TEC: variants seen among roughly 807,000 people sequenced by gnomAD.
The protein encoded by TEC is tyrosine-protein kinase Tec.
Under a neutral mutation model 93.0 loss-of-function variants are expected in TEC, and 72 were observed. The ratio of observed to expected loss-of-function variants is 0.77; its 90% CI spans 0.64 to 0.94. TEC has a LOEUF of 0.94. Ranked by LOEUF, TEC falls within the 40% of genes least tolerant of loss-of-function variation. The probability of loss-of-function intolerance (pLI) is 0.00; values close to 1 mark genes in which losing one functional copy is unlikely to be tolerated. For synonymous variants in TEC, 249 were observed against 247.7 expected, an observed-to-expected ratio of 1.01 and a Z score of -0.05; for missense variants, 630 against 757.9, an observed-to-expected ratio of 0.83 and a Z score of 1.98.
intron 2 of TEC, among the ~76,000 whole-genome samples, chr4:48,224,186 TA>T (rs1723361310): frequency 6.6e-6 from 1 of 152,198 alleles, no homozygotes; most frequent in Admixed American, 6.5e-5. Context: ...TTCAACTTTG[TA>T]AGTTATTTGC....
intron 1 of TEC, among the ~76,000 whole-genome samples, chr4:48,250,348 C>A (rs1214378628): frequency 2.6e-5 from 4 of 152,214 alleles, no homozygotes; most frequent in Non-Finnish European, 5.9e-5. Context: ...TCTCATTCTT[C>A]ACTACTCTCC....
intron 2 of TEC, among the ~76,000 whole-genome samples, chr4:48,204,337 G>T (rs1310952623): frequency 6.6e-6 from 1 of 152,218 alleles, no homozygotes; most frequent in East Asian, 1.9e-4. Context: ...ACTGAGTGAT[G>T]AGTTTTCTGG....
Position 48,222,045 on chromosome 4 carries a change from G to A in TEC, c.138+6432C>T, listed in dbSNP as rs76873142. Among the ~76,000 whole-genome samples, 623 of 152,306 alleles carry A rather than the reference G, an allele frequency of 4.1e-3. 5 individuals are homozygous for A. The highest frequency in any genetic ancestry group is 6.3e-3 in the Non-Finnish European group (429 of 68,024). Reference sequence around the variant, plus strand: ...TCCATTCTACTTTTGCCAGGAGGGAGACAGAAAAGGCTTCTGAGAAGATGG... The same window carrying A: ...TCCATTCTACTTTTGCCAGGAGGGAAACAGAAAAGGCTTCTGAGAAGATGG... On this transcript the variant is annotated intron_variant, in intron 2 of 17. Transcript: ENST00000381501.
chr4:48,202,503 T>C (rs1320813691), intron 2 of TEC, among the ~76,000 whole-genome samples: 1 of 151,898 alleles, frequency 6.6e-6, no homozygotes, highest in East Asian at 1.9e-4. Context: ...GAGGCAGAGG[T>C]TGTAGTGAGC....
intron 1 of TEC, among the ~76,000 whole-genome samples, chr4:48,255,737 T>G (rs188146856): frequency 1.3e-5 from 2 of 152,308 alleles, no homozygotes; most frequent in Admixed American, 1.3e-4. Flanking sequence ...TGTGGGAGGA[T>G]TAAATGAAAT....
chr4:48,254,159 A>G (rs1354563485), intron 1 of TEC, among the ~76,000 whole-genome samples: 1 of 152,222 alleles, frequency 6.6e-6, no homozygotes, highest in Non-Finnish European at 1.5e-5. Context: ...ACGCAAACAT[A>G]AAAAGTTGGT....
chr4:48,252,488 C>T (rs1425691940), intron 1 of TEC, among the ~76,000 whole-genome samples: 1 of 152,172 alleles, frequency 6.6e-6, no homozygotes, highest in African/African-American at 2.4e-5. Context: ...TGGGTTCTGT[C>T]CCTGGTTCTG....
intron 2 of TEC, among the ~76,000 whole-genome samples, chr4:48,189,743 AC>A (rs1722026499): frequency 6.6e-6 from 1 of 152,238 alleles, no homozygotes; most frequent in Non-Finnish European, 1.5e-5. Context: ...ATCTGATTTA[AC>A]CCATATTCAA....
At chr4:48,192,700 T>G (rs1392091048) in intron 2 of TEC, among the ~76,000 whole-genome samples, 1 of 152,200 alleles carries the variant, frequency 6.6e-6, no homozygotes, top group Non-Finnish European at 1.5e-5. Context: ...TGGTTTATAA[T>G]GGGCCAGAAG....
chr4:48,249,986 T>A (rs1724159697), intron 1 of TEC, among the ~76,000 whole-genome samples: 1 of 152,212 alleles, frequency 6.6e-6, no homozygotes, highest in South Asian at 2.1e-4. Flanking sequence ...AAGGCATGCA[T>A]CCTGGAATTC....
intron 8 of TEC, among the ~76,000 whole-genome samples, chr4:48,160,816 A>G (rs1332836618): frequency 3.5e-5 from 5 of 141,194 alleles, no homozygotes; most frequent in Admixed American, 2.8e-4. Flanking sequence ...AAAGAGAAAG[A>G]GAGAGAGACA....
At chr4:48,250,542 C>T (rs948690479) in intron 1 of TEC, among the ~76,000 whole-genome samples, 10 of 152,304 alleles carry the variant, frequency 6.6e-5, no homozygotes, top group South Asian at 4.1e-4. Flanking sequence ...GTCCTTAAAA[C>T]GTGTGCGTTT....
At chr4:48,139,157 G>C in intron 15 of TEC, 135 bp from the exon 16 acceptor site, 1 of 719,166 alleles carries the variant, frequency 1.4e-6, no homozygotes, top group East Asian at 2.7e-5. Flanking sequence ...GAAGCTAAAT[G>C]TTCACCTCAG....
intron 5 of TEC, 57 bp downstream of exon 5, chr4:48,170,191 A>G (rs1721043691): frequency 7.2e-7 from 1 of 1,390,882 alleles, no homozygotes; most frequent in Non-Finnish European, 1.0e-6. Flanking sequence ...TTCTTACCAT[A>G]CCAATAATAC....
chr4:48,172,698 C>T (rs1430817212), intron 3 of TEC, among the ~76,000 whole-genome samples: 7 of 152,124 alleles, frequency 4.6e-5, no homozygotes, highest in Admixed American at 3.9e-4. Context: ...AAAAATGAAT[C>T]GGACATGAAG....
chr4:48,234,471 C>T (rs1013634486), intron 1 of TEC, among the ~76,000 whole-genome samples: 3 of 152,046 alleles, frequency 2.0e-5, no homozygotes, highest in African/African-American at 4.8e-5. Flanking sequence ...ACAACCAGTC[C>T]GGATTGGATC....
At chr4:48,174,753 T>G (rs1400221574) in intron 3 of TEC, among the ~76,000 whole-genome samples, 4 of 152,178 alleles carry the variant, frequency 2.6e-5, no homozygotes, top group Non-Finnish European at 5.9e-5. Context: ...AGGTTTAAAT[T>G]TATCTTACTT....
At chr4:48,232,777 T>C (rs1723683778) in intron 1 of TEC, among the ~76,000 whole-genome samples, 1 of 152,238 alleles carries the variant, frequency 6.6e-6, no homozygotes, top group Non-Finnish European at 1.5e-5. Context: ...CAATAGAATT[T>C]TGGAAACTGG....
intron 2 of TEC, among the ~76,000 whole-genome samples, chr4:48,202,510 G>A (rs761197880): frequency 3.3e-5 from 5 of 152,048 alleles, no homozygotes; most frequent in Non-Finnish European, 5.9e-5. Context: ...AGGTTGTAGT[G>A]AGCCAAAATC....
Sources: gnomAD v4.1 joint callset for allele counts (sites outside exome capture counted in the v4.1 genomes callset) on GRCh38, gnomAD v4.1.1 for gene constraint, MANE v1.5 for transcripts, NCBI Gene and HGNC (gene_info 2026-07-23, HGNC 2026-07-21) for gene names.